TEX48: variants seen among roughly 807,000 people sequenced by gnomAD.
The protein encoded by TEX48 is testis expressed 48.
A neutral mutation model predicts 13.2 loss-of-function variants in TEX48; 10 were observed. The ratio of observed to expected loss-of-function variants is 0.75; its 90% CI spans 0.47 to 1.28. The LOEUF (loss-of-function observed/expected upper bound fraction) is 1.28. Ranked by LOEUF, TEX48 falls within the 50% of genes most tolerant of loss-of-function variation. The pLI is 0.00. For synonymous variants in TEX48, 45 were observed against 52.3 expected (o/e 0.86, Z 0.60); for missense variants, 116 against 139.4 (o/e 0.83, Z 0.84).
chr9:114,680,120 C>CTTTGTTTTTTTTTTTTTT (rs2079145442), intron 1 of TEX48, among the ~76,000 whole-genome samples: 1 of 52,126 alleles, frequency 1.9e-5, no homozygotes, highest in African/African-American at 8.1e-5. Flanking sequence ...TGTCATTGTC[C>CTTTGTTTTTTTTTTTTTT]CTTTTTTTTT....
chr9:114,681,371 G>T (rs1166632344), intron 1 of TEX48, among the ~76,000 whole-genome samples: 1 of 152,168 alleles, frequency 6.6e-6, no homozygotes, highest in Non-Finnish European at 1.5e-5. Context: ...AAATGAAAAG[G>T]CTCTTAGGGA....
At chr9:114,667,513 CAG>C (rs1238545287) in intron 4 of TEX48, among the ~76,000 whole-genome samples, 1 of 152,168 alleles carries the variant, frequency 6.6e-6, no homozygotes, top group Non-Finnish European at 1.5e-5. Context: ...GGGGGCATAA[CAG>C]GGAATAAAAC....
chr9:114,671,284 T>C, intron 3 of TEX48, 99 bp downstream of exon 3: 2 of 1,342,876 alleles, frequency 1.5e-6, no homozygotes, highest in Non-Finnish European at 2.0e-6. Context: ...TATCACTCAG[T>C]GATAGTGATG....
chr9:114,671,708 A>G lies in TEX48; in HGVS notation c.4+12T>C, dbSNP rs1827951206. The G allele has an allele frequency of 5.2e-6, 8 of 1,535,558 alleles. No homozygotes were observed. In the South Asian group the frequency reaches 9.5e-5, roughly 18 times the overall value. ...AGGCCATTTTTTCCTATTCTGTACA[A>G]AGTTTTCTTACCCATGGAAAGGAGT... On this transcript the variant is annotated intron_variant, in intron 2 of 4. Coordinates refer to ENST00000436752, the MANE Select transcript of TEX48 (RefSeq NM_001199233.2).
intron 1 of TEX48, among the ~76,000 whole-genome samples, chr9:114,679,501 G>T (rs1482913994): frequency 6.6e-6 from 1 of 151,994 alleles, no homozygotes; most frequent in African/African-American, 2.4e-5. Flanking sequence ...TTCCTATTTT[G>T]CCTCTAAACT....
chr9:114,681,527 A>G (rs1828201227), intron 1 of TEX48, among the ~76,000 whole-genome samples: 1 of 152,222 alleles, frequency 6.6e-6, no homozygotes, highest in Admixed American at 6.5e-5. Flanking sequence ...TATCTACAAT[A>G]GAAGGTAGTT....
intron 4 of TEX48, 115 bp downstream of exon 4, chr9:114,668,091 G>A (rs927657987): frequency 7.6e-7 from 1 of 1,323,244 alleles, no homozygotes; most frequent in African/African-American, 1.5e-5. Context: ...CTTGATGGGA[G>A]CAATTCCATC....
At chr9:114,672,981 G>A (rs1257869373) in intron 1 of TEX48, among the ~76,000 whole-genome samples, 4 of 152,064 alleles carry the variant, frequency 2.6e-5, no homozygotes, top group African/African-American at 7.2e-5. Context: ...AACAGGGAAA[G>A]CAAAAAAGAT....
At chr9:114,668,077 G>T in intron 4 of TEX48, 129 bp downstream of exon 4, 1 of 1,192,546 alleles carries the variant, frequency 8.4e-7, no homozygotes, top group Non-Finnish European at 1.2e-6. Flanking sequence ...TATGACTGGG[G>T]CTGCTTGATG....
At chr9:114,671,891 A>G in intron 1 of TEX48, 64 bp from the exon 2 acceptor site, 1 of 719,264 alleles carries the variant, frequency 1.4e-6, no homozygotes, top group South Asian at 1.7e-5. Flanking sequence ...CACTCCAGAT[A>G]GGATCTAATG....
intron 1 of TEX48, among the ~76,000 whole-genome samples, chr9:114,677,888 T>C (rs1412200808): frequency 1.3e-5 from 2 of 152,122 alleles, no homozygotes; most frequent in Non-Finnish European, 2.9e-5. Context: ...TTATCAATTG[T>C]AGCGTGCTCT....
chr9:114,671,339 G>A lies in TEX48; in HGVS notation c.127+44C>T, dbSNP rs1346993632. 11 of 1,527,874 alleles carry A rather than the reference G, an allele frequency of 7.2e-6. No individual in the cohort carries two copies. In the East Asian group the frequency reaches 2.7e-4, roughly 38 times the overall value. 94.6% of individuals were successfully genotyped at this position (1,527,874 alleles called of 1,614,324 possible). Reference sequence around the variant, plus strand: ...CCAGCAGGCAGAGAGTGAGCAAAGTGAGGTTTAGAGAGGCCATGCAGAGTG... The same window carrying A: ...CCAGCAGGCAGAGAGTGAGCAAAGTAAGGTTTAGAGAGGCCATGCAGAGTG... On this transcript the variant is annotated intron_variant, in intron 3 of 4. Coordinates refer to ENST00000436752, the MANE Select transcript of TEX48 (RefSeq NM_001199233.2).
At chr9:114,667,437 T>C (rs1827861463) in intron 4 of TEX48, among the ~76,000 whole-genome samples, 1 of 152,180 alleles carries the variant, frequency 6.6e-6, no homozygotes, top group Non-Finnish European at 1.5e-5. Flanking sequence ...TCACCCCCAG[T>C]TGAACTACAC....
At chr9:114,674,542 TTC>T (rs1044790247) in intron 1 of TEX48, among the ~76,000 whole-genome samples, 1 of 132,258 alleles carries the variant, frequency 7.6e-6, no homozygotes, top group Non-Finnish European at 1.6e-5. Context: ...TTTTTCTTCT[TTC>T]TTTCTCTCTT....
Position 114,674,558 on chromosome 9 carries a change from CTTCTTTTTTTCTTTTCT to C in TEX48, c.-104-2748_-104-2732del, listed in dbSNP as rs1300661957. Among the ~76,000 whole-genome samples the C allele has an allele frequency of 2.4e-4, 36 of 150,394 alleles. No individual in the cohort carries two copies. In the East Asian group the frequency reaches 6.5e-3, roughly 27 times the overall value. ...TTTTCTTCTTTCTTTCTCTCTTTTT[CTTCTTTTTTTCTTTTCT>C]TTCTTTTTTTCTCTTTTCTCTTTTT... is the stretch of plus-strand genomic sequence containing the variant. On this transcript the variant is annotated intron_variant, in intron 1 of 4. Transcript: ENST00000436752.
intron 1 of TEX48, among the ~76,000 whole-genome samples, chr9:114,672,941 GAAA>G (rs1229977265): frequency 6.6e-6 from 1 of 152,076 alleles, no homozygotes; most frequent in Non-Finnish European, 1.5e-5. Flanking sequence ...GTAAACTTGC[GAAA>G]AGGTCAATAG....
chr9:114,677,763 CT>C (rs201283065), intron 1 of TEX48, among the ~76,000 whole-genome samples: 134 of 146,510 alleles, frequency 9.1e-4, no homozygotes, highest in African/African-American at 2.4e-3. Context: ...AAGAAGGTCA[CT>C]TTTTTTTTTT....
chr9:114,667,400 T>A (rs1165666518), intron 4 of TEX48, among the ~76,000 whole-genome samples: 1 of 152,166 alleles, frequency 6.6e-6, no homozygotes, highest in Non-Finnish European at 1.5e-5. Flanking sequence ...GGATTGGGCA[T>A]CTGTTCTTCT....
chr9:114,672,699 A>C (rs1208859017), intron 1 of TEX48, among the ~76,000 whole-genome samples: 1 of 152,182 alleles, frequency 6.6e-6, no homozygotes, highest in Non-Finnish European at 1.5e-5. Context: ...CTCCATAATT[A>C]ATACAAAAGT....
Sources: allele counts gnomAD v4.1 joint callset (sites outside exome capture counted in the v4.1 genomes callset), GRCh38; gene constraint gnomAD v4.1.1; transcripts MANE v1.5; gene names NCBI Gene and HGNC (gene_info 2026-07-23, HGNC 2026-07-21).